The following BAHD1 variants were observed in gnomAD, a reference collection of about 807,000 sequenced individuals.
The protein encoded by BAHD1 is bromo adjacent homology domain-containing 1 protein.
BAHD1 carries 20 observed loss-of-function variants against 63.1 expected under a neutral mutation model. That is an observed-to-expected ratio of 0.32 (90% CI 0.22 to 0.46). The LOEUF (loss-of-function observed/expected upper bound fraction) is 0.46. BAHD1 is among the 20% of genes least tolerant of loss of function. The pLI is 1.00. For missense variants in BAHD1, 939 were observed against 1,071.8 expected, an observed-to-expected ratio of 0.88 and a Z score of 1.73; for synonymous variants, 408 against 426.8, an observed-to-expected ratio of 0.96 and a Z score of 0.54.
At chr15:40,456,267 C>T (rs1893846944) in intron 1 of BAHD1, among the ~76,000 whole-genome samples, 1 of 152,210 alleles carries the variant, frequency 6.6e-6, no homozygotes, top group African/African-American at 2.4e-5. Flanking sequence ...CATGAGCCAC[C>T]ACGCCCGGCA....
At chr15:40,452,432 C>T (rs573997653) in intron 1 of BAHD1, among the ~76,000 whole-genome samples, 1 of 152,274 alleles carries the variant, frequency 6.6e-6, no homozygotes, top group Non-Finnish European at 1.5e-5. Flanking sequence ...TCTAGCCCTG[C>T]CGTTAGCATC....
intron 1 of BAHD1, among the ~76,000 whole-genome samples, chr15:40,448,618 C>T (rs1893613379): frequency 6.6e-6 from 1 of 152,174 alleles, no homozygotes; most frequent in Non-Finnish European, 1.5e-5. Flanking sequence ...TTCATTACAG[C>T]TTCCACCTAC....
chr15:40,441,893 G>A (rs1041893502), intron 1 of BAHD1, among the ~76,000 whole-genome samples: 13 of 151,980 alleles, frequency 8.6e-5, no homozygotes, highest in Middle Eastern at 3.4e-3. Flanking sequence ...CGGCAGGGGG[G>A]AGTAGTGTAG....
At position 40,459,361 on chromosome 15, in the gene BAHD1, C is replaced by G. The variant is rs950661069; in HGVS notation, c.897C>G (p.Pro299=). The change falls in exon 2 of 7, where the codon CCC becomes CCG. Residue 299 remains proline (P), a synonymous_variant. Coordinates refer to ENST00000416165, the MANE Select transcript of BAHD1 (RefSeq NM_014952.5). ...CATCCGTCCAGCCATCTCATCAGCCCCTGAGCAAGGCTCTGGAGAGCCCTT... is the reference window on the plus strand; with the variant it reads ...CATCCGTCCAGCCATCTCATCAGCCGCTGAGCAAGGCTCTGGAGAGCCCTT... ...CGPSVQPSHQ[P]LSKALESPLG... is the part of the protein sequence containing the mutation. 1 of 1,612,896 alleles carries G rather than the reference C, an allele frequency of 6.2e-7. No individual in the cohort carries two copies. The highest frequency in any genetic ancestry group is 8.5e-7 in the Non-Finnish European group (1 of 1,179,890).
intron 2 of BAHD1, 58 bp downstream of exon 2, chr15:40,459,954 A>T (rs1404958026): frequency 6.0e-6 from 9 of 1,507,800 alleles, no homozygotes; most frequent in African/African-American, 2.8e-5. Context: ...GCATCCCAGG[A>T]GGTTGGGCTG....
In BAHD1 at chr15:40,441,032, C is replaced by A. The variant is rs1185061005; in HGVS notation, c.-251C>A. Among the ~76,000 whole-genome samples the A allele has an allele frequency of 4.1e-5, 6 of 146,782 alleles. No homozygotes were observed. Among genetic ancestry groups the A allele is most frequent in the Non-Finnish European group, 9.1e-5 (6 of 65,882 alleles). ...CGCCCGCCCGTCCGGCTGCCTGCCC[C>A]GCCCGTCCGGCCCCCGCCGTCCGCC... is the stretch of plus-strand genomic sequence containing the variant. On this transcript the variant is annotated 5_prime_UTR_variant, in exon 1 of 7. Coordinates refer to ENST00000416165, the MANE Select transcript of BAHD1 (RefSeq NM_014952.5).
intron 1 of BAHD1, among the ~76,000 whole-genome samples, chr15:40,451,171 A>G (rs1023985908): frequency 6.6e-6 from 1 of 150,624 alleles, no homozygotes; most frequent in Non-Finnish European, 1.5e-5. Context: ...AAAAAAAAAA[A>G]ACTTTAGCTT....
Position 40,464,564 on chromosome 15 carries a change from A to T in BAHD1, c.2052+17A>T. 1 of 1,608,618 alleles carries T rather than the reference A, an allele frequency of 6.2e-7. No homozygotes were observed. Among genetic ancestry groups the T allele is most frequent in the South Asian group, 1.1e-5 (1 of 90,298 alleles). On this transcript the variant is annotated intron_variant, in intron 5 of 6. Coordinates refer to ENST00000416165, the MANE Select transcript of BAHD1 (RefSeq NM_014952.5). ...ATGCACGAGGTGAGCTGCCTGGCAG[A>T]TGGGTCAGGGAGGGCAGGAGAGACA...
At chr15:40,464,281 TC>T (rs1386663891) in intron 4 of BAHD1, 189 bp from the exon 5 acceptor site, 4 of 648,166 alleles carry the variant, frequency 6.2e-6, no homozygotes, top group Non-Finnish European at 1.1e-5. Context: ...CAGTGCCTTC[TC>T]CCCCTTCTCC....
Position 40,458,572 on chromosome 15 carries a change from T to C in BAHD1, c.108T>C (p.Gly36=), listed in dbSNP as rs1364713850. ...GCAACATGGAGCAGGGGGTTGAGGG[T>C]GTGGAGCCAGGCATGCCCGAGAGCC... ...EDSNMEQGVE[G]VEPGMPESPG... The change falls in exon 2 of 7, where the codon GGT becomes GGC. Residue 36 remains glycine (G), a synonymous_variant. Coordinates refer to ENST00000416165, the MANE Select transcript of BAHD1 (RefSeq NM_014952.5). This position sits in a 1 kb window ranked among gnomAD's most constrained non-coding sequence, Gnocchi z 4.7. 1 of 1,613,576 alleles carries C rather than the reference T, an allele frequency of 6.2e-7. No homozygotes were observed. Among genetic ancestry groups the C allele is most frequent in the Non-Finnish European group, 8.5e-7 (1 of 1,179,906 alleles).
At chr15:40,440,528 G>C (rs1270366641), upstream of BAHD1, among the ~76,000 whole-genome samples, 1 of 151,178 alleles carries the variant, frequency 6.6e-6, no homozygotes. Context: ...GGGGGAAAGG[G>C]GATGCGGAGG....
Position 40,459,153 on chromosome 15 carries a change from C to T in BAHD1, c.689C>T (p.Ala230Val). 1 of 1,613,184 alleles carries T rather than the reference C, an allele frequency of 6.2e-7. No homozygotes were observed. Among genetic ancestry groups the T allele is most frequent in the Non-Finnish European group, 8.5e-7 (1 of 1,179,986 alleles). Residue 230 changes from alanine to valine, a missense_variant, in exon 2 of 7, where the codon GCA becomes GTA. Around this residue, in one of 5 missense-constraint regions of BAHD1, gnomAD observed 797 missense variants for 813.3 expected, o/e 0.98. Transcript: ENST00000416165. The part of the protein sequence containing the change: ...ELPLRLPRAH[A>V]EVDGRSTEPP... Reference sequence around the variant, plus strand: ...CCCCTGCGGCTGCCTCGTGCCCATGCAGAAGTAGATGGGCGCTCCACTGAG... The same window carrying T: ...CCCCTGCGGCTGCCTCGTGCCCATGTAGAAGTAGATGGGCGCTCCACTGAG...
chr15:40,449,854 T>C (rs1468908548), intron 1 of BAHD1, among the ~76,000 whole-genome samples: 2 of 148,198 alleles, frequency 1.3e-5, no homozygotes, highest in South Asian at 2.2e-4. Context: ...TTGATGGTAA[T>C]GAAGGAGGGT....
intron 1 of BAHD1, among the ~76,000 whole-genome samples, chr15:40,452,871 C>T (rs551271673): frequency 3.0e-4 from 46 of 152,334 alleles, no homozygotes; most frequent in African/African-American, 1.1e-3. Context: ...GAACCCCCCA[C>T]AACTCACCCC....
rs1463758385 is a variant in BAHD1, at chr15:40,466,205, A to G, written c.*75A>G. 1 of 1,422,938 alleles carries G rather than the reference A, an allele frequency of 7.0e-7. No homozygotes were observed. The highest frequency in any genetic ancestry group is 9.5e-7 in the Non-Finnish European group (1 of 1,054,920). The allele number at this position is 1,422,938 out of a possible 1,614,324, so 88.1% of individuals were successfully genotyped here. On this transcript the variant is annotated 3_prime_UTR_variant, in exon 7 of 7. Transcript: ENST00000416165. ...TAGGGGGCACTGCTTGAAGCACAGC[A>G]CTTGGTTAGGGGGCCACAGAGGCCT... is the stretch of plus-strand genomic sequence containing the variant.
Position 40,466,007 on chromosome 15 carries a change from C to G in BAHD1, c.2220C>G (p.Pro740=), listed in dbSNP as rs1206442184. The part of the protein sequence containing the change: ...LPSRKTALVP[P]SADYSTPPHR... ...GCCGAAAGACAGCACTGGTTCCCCCCTCTGCAGACTATTCCACCCCACCCC... is the reference window on the plus strand; with the variant it reads ...GCCGAAAGACAGCACTGGTTCCCCCGTCTGCAGACTATTCCACCCCACCCC... The change falls in exon 7 of 7, where the codon CCC becomes CCG. Residue 740 remains proline (P), a synonymous_variant. Transcript: ENST00000416165. 1.2e-6 allele frequency: 2 copies of G among 1,613,504 alleles called. No homozygotes were observed. Among genetic ancestry groups the G allele is most frequent in the Non-Finnish European group, 1.7e-6 (2 of 1,179,772 alleles).
rs758302000 is a variant in BAHD1 at position 40,459,214 on chromosome 15, C to T, written c.750C>T (p.Pro250=). Residue 250 remains proline, a synonymous_variant, in exon 2 of 7, where the codon CCC becomes CCT. Coordinates refer to ENST00000416165, the MANE Select transcript of BAHD1 (RefSeq NM_014952.5). The part of the protein sequence containing the change: ...PAPKAPRPKW[P]KVNGKNYPKA... ...CCAAGGCCCCGAGGCCAAAGTGGCCCAAGGTCAATGGCAAGAACTATCCCA... is the reference window on the plus strand; with the variant it reads ...CCAAGGCCCCGAGGCCAAAGTGGCCTAAGGTCAATGGCAAGAACTATCCCA... 2 of 1,611,848 alleles carry T rather than the reference C, an allele frequency of 1.2e-6. No individual in the cohort carries two copies. Among genetic ancestry groups the T allele is most frequent in the Non-Finnish European group, 1.7e-6 (2 of 1,179,094 alleles).
chr15:40,439,292 C>G (rs1044527354), upstream of BAHD1, among the ~76,000 whole-genome samples: 1 of 152,168 alleles, frequency 6.6e-6, no homozygotes, highest in Non-Finnish European at 1.5e-5. Context: ...TTAAGTGTGT[C>G]CCCCCAAACA....
At chr15:40,464,347 A>G (rs2141551499) in intron 4 of BAHD1, 124 bp from the exon 5 acceptor site, 1 of 814,958 alleles carries the variant, frequency 1.2e-6, no homozygotes, top group South Asian at 1.6e-5. Flanking sequence ...GGCAGGGGAC[A>G]TGGGTTGCCG....
Sources: allele counts gnomAD v4.1 joint callset (sites outside exome capture counted in the v4.1 genomes callset), GRCh38; gene constraint gnomAD v4.1.1; regional missense constraint gnomAD v4.1.1; non-coding constraint Gnocchi (gnomAD v3.1); transcripts MANE v1.5; gene names NCBI Gene and HGNC (gene_info 2026-07-23, HGNC 2026-07-21).